DMXL1: variants seen among roughly 807,000 people sequenced by gnomAD.
DMXL1 encodes the protein Dmx like 1, also known as dmX-like protein 1.
Under a neutral mutation model 319.2 loss-of-function variants are expected in DMXL1, and 99 were observed. That is an observed-to-expected ratio of 0.31 (90% confidence interval 0.26 to 0.37). The LOEUF (loss-of-function observed/expected upper bound fraction) is 0.37, where lower values mean the gene tolerates loss of function less well. Among genes scored for constraint, DMXL1 ranks in the 10% least tolerant of loss-of-function variants. The pLI is 1.00. For synonymous variants in DMXL1, 1,385 were observed against 1,235.2 expected (o/e 1.12, Z -2.54); for missense variants, 3,745 against 3,595.6 (o/e 1.04, Z -1.06).
At chr5:119,114,155 C>T (rs913205384) in intron 5 of DMXL1, among the ~76,000 whole-genome samples, 1 of 152,130 alleles carries the variant, frequency 6.6e-6, no homozygotes, top group African/African-American at 2.4e-5. Context: ...ATATAGGGAT[C>T]CATGGTTCTG....
intron 9 of DMXL1, among the ~76,000 whole-genome samples, chr5:119,126,041 A>T (rs1763481681): frequency 1.3e-5 from 2 of 152,152 alleles, no homozygotes; most frequent in Non-Finnish European, 2.9e-5. Context: ...CTCTAATCCC[A>T]GCACTTTGGG....
At chr5:119,164,765 C>G in intron 20 of DMXL1, 89 bp downstream of exon 20, 2 of 1,219,780 alleles carry the variant, frequency 1.6e-6, no homozygotes, top group Non-Finnish European at 2.3e-6. Context: ...CCATTACTCC[C>G]TCTTGTTTTT....
At position 119,171,783 on chromosome 5, in the gene DMXL1, A is replaced by T. The variant is rs1561790194; in HGVS notation, c.6495A>T (p.Thr2165=). 1 of 1,610,248 alleles carries T rather than the reference A, an allele frequency of 6.2e-7. No homozygotes were observed. Among genetic ancestry groups the T allele is most frequent in the African/African-American group, 1.3e-5 (1 of 74,872 alleles). Residue 2165 remains threonine, a synonymous_variant, in exon 25 of 44, where the codon ACA becomes ACT. Coordinates refer to ENST00000539542, the MANE Select transcript of DMXL1 (RefSeq NM_001290321.3). ...TATCCCTCTTTGTTTTTAAGGAAAC[A>T]TCAGAACCACTATTTTCTAGCCCTC... ...ILLLQESQQE[T]SEPLFSSPLS...
Position 119,122,712 on chromosome 5 carries a change from G to A in DMXL1, c.1102+1573G>A, listed in dbSNP as rs531194982. ...CTCCTCACATCCCAGACGGGGCGGC[G>A]GGGCAGAGACGCTCCTCACTTCCTA... On this transcript the variant is annotated intron_variant, in intron 9 of 43. Coordinates refer to ENST00000539542, the MANE Select transcript of DMXL1 (RefSeq NM_001290321.3). 2.1e-4 allele frequency among the ~76,000 whole-genome samples: 31 copies of A among 151,110 alleles called. 1 individual carries two copies. In the South Asian group the frequency reaches 6.3e-3, roughly 31 times the overall value.
At chr5:119,235,226 A>C (rs1787525699) in intron 39 of DMXL1, among the ~76,000 whole-genome samples, 1 of 152,158 alleles carries the variant, frequency 6.6e-6, no homozygotes, top group South Asian at 2.1e-4. Flanking sequence ...AGTGTCTGGA[A>C]AGGGGTATTA....
At chr5:119,172,045 T>A in intron 25 of DMXL1, 76 bp downstream of exon 25, 1 of 1,313,836 alleles carries the variant, frequency 7.6e-7, no homozygotes, top group Non-Finnish European at 1.0e-6. Context: ...AAGGCTTTTT[T>A]TTAAGTAATT....
rs1192407297 is a variant in DMXL1, at chr5:119,221,006, T to A, written c.8202T>A (p.Tyr2734Ter). The change falls in exon 37 of 44, where the codon TAT becomes TAA. Residue 2734 changes from tyrosine (Y) to a stop codon, truncating the protein, a stop_gained. Coordinates refer to ENST00000539542, the MANE Select transcript of DMXL1 (RefSeq NM_001290321.3). LOFTEE classifies it high-confidence loss of function. ...DLTAVQGTTP[Y>*]THSNPGTPIN... is the part of the protein sequence containing the mutation. ...CAGCTGTTCAAGGTACAACTCCATATACACATAGCAATCCTGGCACTCCAA... is the reference window on the plus strand; with the variant it reads ...CAGCTGTTCAAGGTACAACTCCATAAACACATAGCAATCCTGGCACTCCAA... The A allele has an allele frequency of 6.2e-7, 1 of 1,613,824 alleles. No homozygotes were observed. Among genetic ancestry groups the A allele is most frequent in the Admixed American group, 1.7e-5 (1 of 60,002 alleles).
intron 34 of DMXL1, among the ~76,000 whole-genome samples, chr5:119,213,692 G>A (rs1017427310): frequency 2.6e-5 from 4 of 151,840 alleles, no homozygotes; most frequent in Admixed American, 1.3e-4. Flanking sequence ...TCCTTTCCCC[G>A]TGGACTCCCC....
chr5:119,241,328 T>G (rs1043837983), intron 42 of DMXL1, among the ~76,000 whole-genome samples: 48 of 152,008 alleles, frequency 3.2e-4, no homozygotes, highest in African/African-American at 1.1e-3. Context: ...TCAGGAGATC[T>G]AGACAATCCT....
chr5:119,071,861 T>A (rs1332940172), intron 1 of DMXL1, among the ~76,000 whole-genome samples: 3 of 152,162 alleles, frequency 2.0e-5, no homozygotes, highest in Non-Finnish European at 4.4e-5. Context: ...GAGCCTGAAC[T>A]CAAGTTAGAA....
rs755848655 is a variant in DMXL1 at position 119,171,225 on chromosome 5, G to A, written c.6434G>A (p.Gly2145Glu). Residue 2145 changes from glycine (G) to glutamate (E), a missense_variant, in exon 24 of 44, where the codon GGG becomes GAG. Physicochemically the swap from Gly to Glu is moderately conservative, Grantham distance 98. Around this residue, in one of 4 missense-constraint regions of DMXL1, gnomAD observed 1,382 missense variants for 1,269.5 expected, o/e 1.09. Transcript: ENST00000539542. ...TGCATACTTCATGGATCCCATGGTG[G>A]GGGTCTTGCATCTGTAAGAATGGAA... is the stretch of plus-strand genomic sequence containing the variant. ...SYCILHGSHG[G>E]GLASVRMELI... is the part of the protein sequence containing the mutation. The A allele has an allele frequency of 4.3e-6, 7 of 1,611,824 alleles. No homozygotes were observed. In the South Asian group the frequency reaches 7.7e-5, roughly 18 times the overall value.
chr5:119,103,651 G>C (rs747727502), intron 3 of DMXL1, among the ~76,000 whole-genome samples: 2 of 152,038 alleles, frequency 1.3e-5, no homozygotes, highest in Non-Finnish European at 2.9e-5. Context: ...TGTTTTTATA[G>C]ATTGCCTAGT....
chr5:119,110,171 T>G lies in DMXL1; in HGVS notation c.385T>G (p.Ser129Ala). ...DPTGSRLLTGSSYLQLWSNTN... is the reference protein window; with the variant it reads ...DPTGSRLLTGASYLQLWSNTN... ...TTTAGGCAGTCGTCTTTTAACTGGT[T>G]CCAGCTATTTGCAACTCTGGTCCAA... The change falls in exon 5 of 44, where the codon TCC becomes GCC. Residue 129 changes from serine to alanine, a missense_variant. This residue lies in a region of DMXL1 where 2,096 missense variants were observed against 1,985.4 expected (regional missense o/e 1.06). Coordinates refer to ENST00000539542, the MANE Select transcript of DMXL1 (RefSeq NM_001290321.3). 6.3e-7 allele frequency: 1 copy of G among 1,597,386 alleles called. No individual in the cohort carries two copies. Among genetic ancestry groups the G allele is most frequent in the Non-Finnish European group, 8.5e-7 (1 of 1,174,862 alleles).
Position 119,170,555 on chromosome 5 carries a change from G to C in DMXL1, c.5764G>C (p.Val1922Leu). The part of the protein sequence containing the change: ...LDAREDKSSA[V>L]DWSQSLINGF... ...TGCAAGGGAAGATAAGTCTTCTGCT[G>C]TTGATTGGTCACAGTCACTGATAAA... Residue 1922 changes from valine to leucine, a missense_variant, in exon 24 of 44, where the codon GTT becomes CTT. Val to Leu is a conservative substitution (Grantham distance 32). Coordinates refer to ENST00000539542, the MANE Select transcript of DMXL1 (RefSeq NM_001290321.3). 6.2e-7 allele frequency: 1 copy of C among 1,613,834 alleles called. No homozygotes were observed.
Position 119,233,855 on chromosome 5 carries a change from A to G in DMXL1, c.8466+388A>G, listed in dbSNP as rs144795145. On this transcript the variant is annotated intron_variant, in intron 39 of 43. Coordinates refer to ENST00000539542, the MANE Select transcript of DMXL1 (RefSeq NM_001290321.3). ...CCTTCTCCAGATGTGCTGAATCACC[A>G]TCTGCATTTTAACCCGATATTGTTG... Among the ~76,000 whole-genome samples, 1,263 of 152,272 alleles carry G rather than the reference A, an allele frequency of 8.3e-3. 20 individuals are homozygous for G. Among genetic ancestry groups the G allele is most frequent in the African/African-American group, 0.029 (1,214 of 41,574 alleles).
chr5:119,216,221 G>A (rs1186099446), intron 34 of DMXL1, among the ~76,000 whole-genome samples: 2 of 148,420 alleles, frequency 1.3e-5, no homozygotes, highest in Non-Finnish European at 3.0e-5. Context: ...ATTTTATATA[G>A]TATTCTTTTC....
chr5:119,074,355 T>A (rs1014251685), intron 1 of DMXL1, among the ~76,000 whole-genome samples: 4 of 152,278 alleles, frequency 2.6e-5, no homozygotes, highest in Admixed American at 2.6e-4. Context: ...GACATCTTCC[T>A]CTTGCAGTTC....
At chr5:119,187,419 C>G (rs1306662314) in intron 28 of DMXL1, among the ~76,000 whole-genome samples, 1 of 152,092 alleles carries the variant, frequency 6.6e-6, no homozygotes, top group Non-Finnish European at 1.5e-5. Flanking sequence ...TTTATCGGTG[C>G]CCCTAAGCTT....
At chr5:119,109,424 C>A (rs143690321) in intron 4 of DMXL1, among the ~76,000 whole-genome samples, 1 of 152,162 alleles carries the variant, frequency 6.6e-6, no homozygotes, top group African/African-American at 2.4e-5. Context: ...ACAACTCCCC[C>A]ACAATCCCCC....
Sources: gnomAD v4.1 joint callset for allele counts (sites outside exome capture counted in the v4.1 genomes callset) on GRCh38, gnomAD v4.1.1 for gene constraint, gnomAD v4.1.1 regional missense constraint, MANE v1.5 for transcripts, NCBI Gene and HGNC (gene_info 2026-07-23, HGNC 2026-07-21) for gene names.